The following SGSM1 variants were observed in gnomAD, a reference collection of about 807,000 sequenced individuals.
SGSM1 encodes RUN and TBC1 domain containing 2.
SGSM1 carries 73 observed loss-of-function variants against 133.8 expected under a neutral mutation model. The observed-to-expected ratio is 0.55, with a 90% CI of 0.45 to 0.66. The LOEUF is 0.66. Among genes scored for constraint, SGSM1 ranks in the 30% least tolerant of loss-of-function variants. SGSM1 has a pLI of 0.00. For synonymous variants in SGSM1, 563 were observed against 573.0 expected (o/e 0.98, Z 0.25); for missense variants, 1,213 against 1,448.1 (o/e 0.84, Z 2.64).
chr22:24,858,993 A>G (rs1157732296), intron 8 of SGSM1, among the ~76,000 whole-genome samples: 1 of 152,256 alleles, frequency 6.6e-6, no homozygotes, highest in Non-Finnish European at 1.5e-5. Context: ...AACGTGAACA[A>G]TCAAGATGTG....
intron 19 of SGSM1, among the ~76,000 whole-genome samples, chr22:24,900,414 T>TCTTTCTTCTTTC (rs1484572431): frequency 1.4e-5 from 2 of 146,156 alleles, no homozygotes; most frequent in African/African-American, 5.2e-5. Flanking sequence ...TTTCTGTATT[T>TCTTTCTTCTTTC]TTGAGACAGA....
intron 23 of SGSM1, 100 bp downstream of exon 23, chr22:24,917,854 G>A (rs925684826): frequency 1.1e-6 from 1 of 883,116 alleles, no homozygotes; most frequent in Non-Finnish European, 1.8e-6. Context: ...TGGCAACAGA[G>A]GCAGCAGAGG....
chr22:24,818,001 G>A (rs1281528573), intron 2 of SGSM1, among the ~76,000 whole-genome samples: 1 of 151,928 alleles, frequency 6.6e-6, no homozygotes, highest in Admixed American at 6.5e-5. Flanking sequence ...GGAGGCCGAG[G>A]CGGGTGGATC....
At chr22:24,914,487 AAAAATT>A (rs2123739680) in intron 22 of SGSM1, among the ~76,000 whole-genome samples, 1 of 151,746 alleles carries the variant, frequency 6.6e-6, no homozygotes, top group South Asian at 2.1e-4. Context: ...CCCCCCAAAA[AAAAATT>A]AACCATAGAT....
At chr22:24,827,875 A>G (rs913912823) in intron 2 of SGSM1, among the ~76,000 whole-genome samples, 1 of 151,934 alleles carries the variant, frequency 6.6e-6, no homozygotes, top group African/African-American at 2.4e-5. Context: ...GCCTCCTGAC[A>G]CCCTGTCCTT....
In SGSM1 at chr22:24,876,636, C is replaced by A. The variant is rs1239956389; in HGVS notation, c.1351C>A (p.Pro451Thr). The change falls in exon 13 of 25, where the codon CCC (proline) becomes ACC (threonine). Residue 451 changes from proline to threonine, a missense_variant. By Grantham distance (38) the Pro-to-Thr change is conservative. Transcript: ENST00000400358. Reference protein sequence around the residue: ...SNLPSLWQPSPRKSSCSSCSQ... With the variant: ...SNLPSLWQPSTRKSSCSSCSQ... Reference sequence around the variant, plus strand: ...CCTCCCATCCCTGTGGCAGCCCAGTCCCCGGAAGTCCTCCTGTTCATCCTG... The same window carrying A: ...CCTCCCATCCCTGTGGCAGCCCAGTACCCGGAAGTCCTCCTGTTCATCCTG... 1.2e-6 allele frequency: 2 copies of A among 1,613,992 alleles called. No homozygotes were observed. Among genetic ancestry groups the A allele is most frequent in the East Asian group, 2.2e-5 (1 of 44,880 alleles).
chr22:24,852,732 T>C (rs1930553623), intron 5 of SGSM1, among the ~76,000 whole-genome samples: 1 of 152,208 alleles, frequency 6.6e-6, no homozygotes, highest in Admixed American at 6.5e-5. Context: ...CATGAGCCAC[T>C]GTGCCTGGTC....
intron 15 of SGSM1, among the ~76,000 whole-genome samples, chr22:24,884,575 G>A (rs184072727): frequency 2.0e-5 from 3 of 152,284 alleles, no homozygotes; most frequent in African/African-American, 4.8e-5. Context: ...TGTCAAACAC[G>A]GTGAAACCCC....
intron 2 of SGSM1, among the ~76,000 whole-genome samples, chr22:24,806,852 C>CTT (rs1927426060): frequency 2.6e-5 from 4 of 152,000 alleles, no homozygotes; most frequent in African/African-American, 9.7e-5. Flanking sequence ...GGGGACGCCC[C>CTT]CCACAGGGTG....
At chr22:24,855,809 C>A in intron 8 of SGSM1, 129 bp downstream of exon 8, 2 of 1,334,078 alleles carry the variant, frequency 1.5e-6, no homozygotes, top group East Asian at 2.4e-5. Context: ...CACACATCCA[C>A]CCGCCCAACA....
intron 12 of SGSM1, chr22:24,874,296 G>A (rs561875960): frequency 1.1e-4 from 117 of 1,018,552 alleles, no homozygotes; most frequent in African/African-American, 9.8e-4. Context: ...TGTGGGAGCT[G>A]TGTGGAGCCG....
At chr22:24,919,285 C>T (rs1933925463) in intron 23 of SGSM1, among the ~76,000 whole-genome samples, 1 of 151,492 alleles carries the variant, frequency 6.6e-6, no homozygotes, top group African/African-American at 2.4e-5. Context: ...CTCCTGACCT[C>T]GTGATCCACC....
chr22:24,899,604 C>T (rs1438711560), intron 19 of SGSM1, among the ~76,000 whole-genome samples: 3 of 150,668 alleles, frequency 2.0e-5, no homozygotes, highest in African/African-American at 7.3e-5. Flanking sequence ...CTCACTGCAA[C>T]CTCTGCGTCC....
intron 2 of SGSM1, among the ~76,000 whole-genome samples, chr22:24,830,760 G>A (rs914727334): frequency 7.9e-5 from 12 of 152,142 alleles, no homozygotes; most frequent in African/African-American, 2.4e-4. Context: ...GGGAGGGCTT[G>A]GTAAATGCCT....
chr22:24,845,946 TTTC>T (rs766347611), intron 3 of SGSM1, among the ~76,000 whole-genome samples: 6,793 of 39,184 alleles, frequency 0.17, 271 homozygotes, highest in Non-Finnish European at 0.2. Context: ...TTTTCTTTTC[TTTC>T]TTTCTTTCTT....
At chr22:24,881,409 A>G (rs1451358237) in intron 14 of SGSM1, among the ~76,000 whole-genome samples, 3 of 131,692 alleles carry the variant, frequency 2.3e-5, no homozygotes, top group Non-Finnish European at 4.8e-5. Flanking sequence ...TACTAAAAAT[A>G]CAAAAAATTA....
At chr22:24,892,339 T>C (rs1270215532) in intron 16 of SGSM1, among the ~76,000 whole-genome samples, 1 of 152,012 alleles carries the variant, frequency 6.6e-6, no homozygotes, top group Non-Finnish European at 1.5e-5. Context: ...CTTACCTAGA[T>C]CAGCCAATCC....
intron 12 of SGSM1, among the ~76,000 whole-genome samples, chr22:24,875,040 T>G (rs1220179460): frequency 6.6e-6 from 1 of 152,216 alleles, no homozygotes; most frequent in East Asian, 1.9e-4. Flanking sequence ...GGGTAGGGGC[T>G]GACCTTGTCA....
At chr22:24,897,823 CT>C (rs1932959270) in intron 18 of SGSM1, 148 bp from the exon 19 acceptor site, 2 of 711,282 alleles carry the variant, frequency 2.8e-6, no homozygotes, top group African/African-American at 3.6e-5. Flanking sequence ...CTTGTTTTGC[CT>C]CGTTCTTTTC....
Sources: allele counts gnomAD v4.1 joint callset (sites outside exome capture counted in the v4.1 genomes callset), GRCh38; gene constraint gnomAD v4.1.1; transcripts MANE v1.5; gene names NCBI Gene and HGNC (gene_info 2026-07-23, HGNC 2026-07-21).